The following CALCRL variants were observed in gnomAD, a reference collection of about 807,000 sequenced individuals.
The protein encoded by CALCRL is calcitonin receptor like receptor, also known as calcitonin gene-related peptide type 1 receptor.
CALCRL carries 27 observed loss-of-function variants against 60.4 expected under a neutral mutation model. The ratio of observed to expected loss-of-function variants is 0.45; its 90% CI spans 0.33 to 0.62. The LOEUF is 0.62. Ranked by LOEUF, CALCRL falls within the 20% of genes least tolerant of loss-of-function variation. The pLI is 0.03. For synonymous variants in CALCRL, 190 were observed against 182.6 expected (o/e 1.04, Z -0.33); for missense variants, 424 against 540.7 (o/e 0.78, Z 2.14).
intron 1 of CALCRL, among the ~76,000 whole-genome samples, chr2:187,424,138 A>G (rs1209338521): frequency 6.6e-6 from 1 of 152,090 alleles, no homozygotes; most frequent in East Asian, 1.9e-4. Context: ...AACAGCCTAA[A>G]AAAAATAAGA....
chr2:187,394,688 G>A (rs1246937062), intron 1 of CALCRL, among the ~76,000 whole-genome samples: 1 of 151,644 alleles, frequency 6.6e-6, no homozygotes, highest in African/African-American at 2.4e-5. Context: ...TTTCTGCTTG[G>A]TTTACTCAAC....
At chr2:187,411,305 T>C (rs966554370) in intron 1 of CALCRL, among the ~76,000 whole-genome samples, 7 of 152,188 alleles carry the variant, frequency 4.6e-5, no homozygotes, top group South Asian at 4.1e-4. Flanking sequence ...TAAATACTAC[T>C]AAATTGATTC....
In CALCRL at chr2:187,344,452, G is replaced by A. The variant is rs139560967; in HGVS notation, c.*1732C>T. On this transcript the variant is annotated 3_prime_UTR_variant, in exon 15 of 15. Transcript: ENST00000392370. ...ATCAGATTGACACACTTAAAAAACA[G>A]ATACCCATGACTTTTCCCAAAATTG... The A allele has an allele frequency of 4.0e-5, 6 of 151,710 alleles. No homozygotes were observed. The East Asian group carries it at 1.2e-3, about 29-fold the overall frequency. The allele number at this position is 151,710 out of a possible 1,614,324, so 9.4% of individuals were successfully genotyped here. A position where few individuals can be genotyped will look rare whatever the true frequency, so the allele number is the denominator to read the frequency against.
intron 1 of CALCRL, among the ~76,000 whole-genome samples, chr2:187,443,025 A>G (rs1690993980): frequency 6.6e-6 from 1 of 151,870 alleles, no homozygotes; most frequent in Admixed American, 6.6e-5. Context: ...GAAACGCAAT[A>G]ATTTTTGTTT....
chr2:187,442,178 A>T (rs1690952155), intron 1 of CALCRL: 1 of 148,906 alleles, frequency 6.7e-6, no homozygotes, highest in Non-Finnish European at 1.5e-5. Context: ...GCACACATAT[A>T]TGTGTGTATA....
Position 187,411,788 on chromosome 2 carries a change from A to T in CALCRL, c.-292-24032T>A, listed in dbSNP as rs545915844. Among the ~76,000 whole-genome samples, 3 of 151,912 alleles carry T rather than the reference A, an allele frequency of 2.0e-5. No individual in the cohort carries two copies. In the East Asian group the frequency reaches 5.8e-4, roughly 30 times the overall value. On this transcript the variant is annotated intron_variant, in intron 1 of 14. Transcript: ENST00000392370. ...GAGGCGGGCGGATCACGAGGTCAGG[A>T]GATCGAGACCAGCCTGGCCAATATG...
chr2:187,426,899 T>C lies in CALCRL; in HGVS notation c.-293+21140A>G, dbSNP rs192131325. Reference sequence around the variant, plus strand: ...ATATATTTTGATTCATAATTCATCTTAAACAAAAGTAAAATTTTATTTACC... The same window carrying C: ...ATATATTTTGATTCATAATTCATCTCAAACAAAAGTAAAATTTTATTTACC... On this transcript the variant is annotated intron_variant, in intron 1 of 14. Coordinates refer to ENST00000392370, the MANE Select transcript of CALCRL (RefSeq NM_005795.6). Among the ~76,000 whole-genome samples the C allele has an allele frequency of 4.7e-3, 712 of 152,264 alleles. 5 individuals are homozygous for C. The highest frequency in any genetic ancestry group is 0.016 in the African/African-American group (678 of 41,566).
chr2:187,350,099 T>C (rs1253104585), intron 14 of CALCRL, among the ~76,000 whole-genome samples: 2 of 151,652 alleles, frequency 1.3e-5, no homozygotes, highest in Non-Finnish European at 3.0e-5. Context: ...AGTAGCATCT[T>C]TGGTGATTAA....
chr2:187,414,169 G>A (rs562166295), intron 1 of CALCRL, among the ~76,000 whole-genome samples: 1 of 151,928 alleles, frequency 6.6e-6, no homozygotes, highest in South Asian at 2.1e-4. Context: ...ATCTAAATTG[G>A]GACAGCAACA....
intron 1 of CALCRL, among the ~76,000 whole-genome samples, chr2:187,422,417 GC>G (rs1689918089): frequency 6.6e-6 from 1 of 152,026 alleles, no homozygotes; most frequent in Non-Finnish European, 1.5e-5. Context: ...TTTACTATCT[GC>G]TCAGTTTCTT....
rs142389575 is a variant in CALCRL, at chr2:187,350,561, A to C, written c.1170+1359T>G. Among the ~76,000 whole-genome samples, 648 of 151,218 alleles carry C rather than the reference A, an allele frequency of 4.3e-3. 4 individuals carry two copies. Among genetic ancestry groups the C allele is most frequent in the African/African-American group, 0.015 (616 of 41,372 alleles). On this transcript the variant is annotated intron_variant, in intron 14 of 14. Coordinates refer to ENST00000392370, the MANE Select transcript of CALCRL (RefSeq NM_005795.6). Reference sequence around the variant, plus strand: ...GGCAACTCTACACCTCATTACAAATAAATAAATATAGATAAATAATAATAA... The same window carrying C: ...GGCAACTCTACACCTCATTACAAATCAATAAATATAGATAAATAATAATAA...
chr2:187,387,718 C>G lies in CALCRL; in HGVS notation c.-254G>C. Reference sequence around the variant, plus strand: ...ACATTTTCTCTTGGATCATATTTGACATTGTCTTTAAGAATTTCTTAAATT... The same window carrying G: ...ACATTTTCTCTTGGATCATATTTGAGATTGTCTTTAAGAATTTCTTAAATT... On this transcript the variant is annotated 5_prime_UTR_variant, in exon 2 of 15. An upstream start codon of the reference 5' UTR is lost. Transcript: ENST00000392370. The G allele has an allele frequency of 2.5e-6, 1 of 397,004 alleles. No individual in the cohort carries two copies. The highest frequency in any genetic ancestry group is 4.4e-6 in the Non-Finnish European group (1 of 225,110). The allele number at this position is 397,004 out of a possible 1,614,324, so 24.6% of individuals were successfully genotyped here. A position where few individuals can be genotyped will look rare whatever the true frequency, so the allele number is the denominator to read the frequency against.
chr2:187,440,347 T>C (rs986119729), intron 1 of CALCRL, among the ~76,000 whole-genome samples: 25 of 152,242 alleles, frequency 1.6e-4, no homozygotes, highest in Middle Eastern at 3.4e-3. Flanking sequence ...TTTGAGTAAT[T>C]AGGGGTAGAA....
intron 8 of CALCRL, among the ~76,000 whole-genome samples, chr2:187,371,942 C>T (rs1278602655): frequency 6.6e-6 from 1 of 152,052 alleles, no homozygotes; most frequent in Admixed American, 6.6e-5. Context: ...AATACAAGCA[C>T]TAACAGGTTA....
chr2:187,440,044 CTAT>C (rs540642187), intron 1 of CALCRL, among the ~76,000 whole-genome samples: 2 of 152,024 alleles, frequency 1.3e-5, no homozygotes, highest in Admixed American at 1.3e-4. Flanking sequence ...CTCCCTCATA[CTAT>C]TATTATATTA....
intron 4 of CALCRL, 39 bp downstream of exon 4, chr2:187,385,506 A>C: frequency 1.0e-6 from 1 of 996,480 alleles, no homozygotes. Context: ...GTATACTGGA[A>C]GCAATAACAG....
chr2:187,362,145 T>A, intron 9 of CALCRL, among the ~76,000 whole-genome samples: 1 of 152,058 alleles, frequency 6.6e-6, no homozygotes, highest in East Asian at 1.9e-4. Context: ...AAAATATTTC[T>A]ATGCAGGGCA....
chr2:187,394,508 A>T (rs535102080), intron 1 of CALCRL, among the ~76,000 whole-genome samples: 50 of 152,158 alleles, frequency 3.3e-4, no homozygotes, highest in Admixed American at 3.2e-3. Flanking sequence ...CAAAAATTAC[A>T]TTTTTTTCCA....
Position 187,343,548 on chromosome 2 carries a change from C to T in CALCRL, c.*2636G>A, listed in dbSNP as rs539457443. On this transcript the variant is annotated 3_prime_UTR_variant, in exon 15 of 15. Transcript: ENST00000392370. ...TTGGATTACATTTAAACAAACACTGCATTCCAGAATGAATATTTTATGAAT... is the reference window on the plus strand; with the variant it reads ...TTGGATTACATTTAAACAAACACTGTATTCCAGAATGAATATTTTATGAAT... 2.0e-5 allele frequency: 3 copies of T among 151,994 alleles called. No individual in the cohort carries two copies. In the South Asian group the frequency reaches 6.2e-4, roughly 31 times the overall value. The allele number at this position is 151,994 out of a possible 1,614,324, so 9.4% of individuals were successfully genotyped here.
Sources: allele counts gnomAD v4.1 joint callset (sites outside exome capture counted in the v4.1 genomes callset), GRCh38; gene constraint gnomAD v4.1.1; transcripts MANE v1.5; gene names NCBI Gene and HGNC (gene_info 2026-07-23, HGNC 2026-07-21).